Variants in INPP5B observed in about 807,000 individuals in gnomAD.
INPP5B encodes the protein type II inositol 1,4,5-trisphosphate 5-phosphatase.
A neutral mutation model predicts 118.5 loss-of-function variants in INPP5B; 90 were observed. That is an observed-to-expected ratio of 0.76 (90% CI 0.64 to 0.90). The LOEUF is 0.90. Among genes scored for constraint, INPP5B ranks in the 40% least tolerant of loss-of-function variants. INPP5B has a pLI of 0.00. For missense variants in INPP5B, 984 were observed against 1,125.6 expected (o/e 0.87, Z 1.80); for synonymous variants, 385 against 418.9 (o/e 0.92, Z 0.99).
intron 7 of INPP5B, among the ~76,000 whole-genome samples, chr1:37,896,169 C>T (rs879906304): frequency 2.4e-4 from 36 of 151,526 alleles, no homozygotes; most frequent in Non-Finnish European, 4.1e-4. Flanking sequence ...CCTGCCGCCC[C>T]GTCCGGGATG....
At chr1:37,875,815 A>G (rs1035741544) in intron 16 of INPP5B, 99 bp from the exon 17 acceptor site, 2 of 755,410 alleles carry the variant, frequency 2.6e-6, no homozygotes, top group African/African-American at 1.7e-5. Context: ...AGCAGTTGAT[A>G]GCAACACAGA....
chr1:37,868,312 C>CAA lies in INPP5B; in HGVS notation c.2301+187_2301+188dup, dbSNP rs35639791. Among the ~76,000 whole-genome samples, 599 of 82,974 alleles carry CAA rather than the reference C, an allele frequency of 7.2e-3. 5 individuals carry two copies. Among genetic ancestry groups the CAA allele is most frequent in the Middle Eastern group, 0.015 (2 of 130 alleles). 54.4% of individuals were successfully genotyped at this position (82,974 alleles called of 152,430 possible). A position where few individuals can be genotyped will look rare whatever the true frequency, so the allele number is the denominator to read the frequency against. The stretch of plus-strand genomic sequence containing the variant: ...TGGGCAACAGAATAAAACTCTGTCT[C>CAA]AAAAAAAAAAAAAAAAAAAAATAGC... On this transcript the variant is annotated intron_variant, in intron 20 of 23. Coordinates refer to ENST00000373024, the MANE Select transcript of INPP5B (RefSeq NM_005540.3).
At chr1:37,942,828 G>A (rs1645982145) in intron 5 of INPP5B, among the ~76,000 whole-genome samples, 1 of 151,182 alleles carries the variant, frequency 6.6e-6, no homozygotes, top group Non-Finnish European at 1.5e-5. Flanking sequence ...GGAATCACTT[G>A]AACCTGGGAG....
Position 37,934,278 on chromosome 1 carries a change from C to T in INPP5B, c.392-2225G>A, listed in dbSNP as rs1645604304. Among the ~76,000 whole-genome samples, 3 of 152,116 alleles carry T rather than the reference C, an allele frequency of 2.0e-5. No individual in the cohort carries two copies. The South Asian group carries it at 6.2e-4, about 32-fold the overall frequency. ...TTGATCTTGGGTAAGTTGCTTGCCT[C>T]CTCTGTGTCAATTTACTCGTCTGTA... On this transcript the variant is annotated intron_variant, in intron 6 of 23. Transcript: ENST00000373024.
intron 13 of INPP5B, chr1:37,883,192 C>A (rs1318346462): frequency 1.0e-6 from 1 of 985,240 alleles, no homozygotes; most frequent in Non-Finnish European, 1.2e-6. Flanking sequence ...CTAATAAGAT[C>A]TAAAAGATAG....
intron 5 of INPP5B, 90 bp from the exon 6 acceptor site, chr1:37,940,888 C>G: frequency 1.2e-6 from 1 of 857,534 alleles, no homozygotes; most frequent in Non-Finnish European, 1.9e-6. Context: ...ATCAGCAACC[C>G]AGACTCCCAA....
chr1:37,931,830 TCCGCCCCAAAACAGAACGGAGC>T, intron 7 of INPP5B, 61 bp downstream of exon 7: 3 of 1,609,370 alleles, frequency 1.9e-6, no homozygotes, highest in Non-Finnish European at 2.5e-6. Context: ...TCTCCATCGC[TCCGCCCCAAAACAGAACGGAGC>T]CCGCCCCCTG....
At chr1:37,893,075 TTTTC>T (rs1339242949) in intron 7 of INPP5B, among the ~76,000 whole-genome samples, 4 of 141,622 alleles carry the variant, frequency 2.8e-5, no homozygotes, top group African/African-American at 7.6e-5. Context: ...TTTTTTATTA[TTTTC>T]TTTTTCTTTT....
chr1:37,933,712 T>C (rs1645579837), intron 6 of INPP5B, among the ~76,000 whole-genome samples: 1 of 136,716 alleles, frequency 7.3e-6, no homozygotes, highest in South Asian at 2.3e-4. Context: ...AGAGCTAGAC[T>C]CTGTCTCAAT....
Position 37,932,003 on chromosome 1 carries a change from T to G in INPP5B, c.442A>C (p.Arg148=), listed in dbSNP as rs371030679. ...ATCTCCAGCTCCAGCTCTGCGCACC[T>G]ATACCGAGACAGCCACAGGAATTCA... is the stretch of plus-strand genomic sequence containing the variant. The part of the protein sequence containing the change: ...DPEFLWLSRY[R]CAELELEMPT... Residue 148 remains arginine, a synonymous_variant, in exon 7 of 24, where the codon AGG becomes CGG. Transcript: ENST00000373024. 42 of 1,609,832 alleles carry G rather than the reference T, an allele frequency of 2.6e-5. No individual in the cohort carries two copies. In the African/African-American group the frequency reaches 5.1e-4, roughly 19 times the overall value.
intron 23 of INPP5B, among the ~76,000 whole-genome samples, chr1:37,863,016 C>T (rs1169162673): frequency 1.3e-5 from 2 of 152,150 alleles, no homozygotes; most frequent in African/African-American, 2.4e-5. Flanking sequence ...CCAACCACCC[C>T]GTGTCCCCAG....
rs560615743 is a variant in INPP5B at position 37,879,194 on chromosome 1, C to T, written c.1542-871G>A. Among the ~76,000 whole-genome samples, 351 of 151,492 alleles carry T rather than the reference C, an allele frequency of 2.3e-3. 3 individuals are homozygous for T. The highest frequency in any genetic ancestry group is 8.2e-3 in the African/African-American group (340 of 41,388). ...GGCTGAGGCAGGAGAATTGCTTGAA[C>T]CCGGGAGGCAGAGGTTGCAGTGAGC... On this transcript the variant is annotated intron_variant, in intron 15 of 23. Coordinates refer to ENST00000373024, the MANE Select transcript of INPP5B (RefSeq NM_005540.3).
At chr1:37,925,791 C>T (rs1352656118) in intron 7 of INPP5B, among the ~76,000 whole-genome samples, 1 of 152,080 alleles carries the variant, frequency 6.6e-6, no homozygotes, top group African/African-American at 2.4e-5. Context: ...AGGGGGTTCT[C>T]TTGTACTAGA....
At chr1:37,924,799 G>A (rs942409677) in intron 7 of INPP5B, among the ~76,000 whole-genome samples, 2 of 152,180 alleles carry the variant, frequency 1.3e-5, no homozygotes, top group African/African-American at 4.8e-5. Context: ...CACTTTGGGA[G>A]GCCAAGGCAG....
chr1:37,872,846 T>C, intron 19 of INPP5B, 84 bp downstream of exon 19: 1 of 1,006,088 alleles, frequency 9.9e-7, no homozygotes, highest in East Asian at 2.6e-5. Context: ...TCTAAGTCCC[T>C]AGGAAGGTAG....
At chr1:37,863,908 A>G (rs1428915049) in intron 23 of INPP5B, among the ~76,000 whole-genome samples, 2 of 147,104 alleles carry the variant, frequency 1.4e-5, no homozygotes, top group Non-Finnish European at 3.0e-5. Context: ...TCCGCCTCCC[A>G]GTTTCAAGCG....
chr1:37,920,439 C>T (rs1479113842), intron 7 of INPP5B, among the ~76,000 whole-genome samples: 1 of 151,980 alleles, frequency 6.6e-6, no homozygotes, highest in Non-Finnish European at 1.5e-5. Context: ...CCAAGGCAGG[C>T]AGATCACTTG....
At chr1:37,940,527 TG>T (rs1174948972) in intron 6 of INPP5B, among the ~76,000 whole-genome samples, 160 bp downstream of exon 6, 56 of 152,180 alleles carry the variant, frequency 3.7e-4, no homozygotes, top group African/African-American at 1.3e-3. Flanking sequence ...GCAAACACCA[TG>T]GTTGGCTGGC....
intron 7 of INPP5B, among the ~76,000 whole-genome samples, chr1:37,903,682 G>A (rs925145679): frequency 2.6e-5 from 4 of 151,616 alleles, no homozygotes; most frequent in African/African-American, 9.7e-5. Context: ...AGCTGAGATC[G>A]TGCCACTGCA....
Sources: allele counts gnomAD v4.1 joint callset (sites outside exome capture counted in the v4.1 genomes callset), GRCh38; gene constraint gnomAD v4.1.1; transcripts MANE v1.5; gene names NCBI Gene and HGNC (gene_info 2026-07-23, HGNC 2026-07-21).